Variants in TGFA observed in about 807,000 individuals in gnomAD.
TGFA encodes protransforming growth factor alpha.
Under a neutral mutation model 21.7 loss-of-function variants are expected in TGFA, and 12 were observed. The observed-to-expected ratio is 0.55, with a 90% CI of 0.35 to 0.90. The LOEUF (loss-of-function observed/expected upper bound fraction) is 0.90, where lower values mean the gene tolerates loss of function less well. TGFA is among the 40% of genes least tolerant of loss of function. The pLI is 0.01. For synonymous variants in TGFA, 79 were observed against 88.1 expected (o/e 0.90, Z 0.58); for missense variants, 178 against 210.8 (o/e 0.84, Z 0.96).
At chr2:70,541,031 A>G (rs34008577) in intron 1 of TGFA, among the ~76,000 whole-genome samples, 25,229 of 152,144 alleles carry the variant, frequency 0.17, 2,615 homozygotes, top group East Asian at 0.27. Flanking sequence ...ATAAACGTGC[A>G]CAGCTTTTCT....
intron 2 of TGFA, among the ~76,000 whole-genome samples, chr2:70,491,749 G>A (rs1671444260): frequency 6.6e-6 from 1 of 152,082 alleles, no homozygotes; most frequent in African/African-American, 2.4e-5. Context: ...GCTGTCCTCT[G>A]GCCCCCTAAG....
intron 1 of TGFA, among the ~76,000 whole-genome samples, chr2:70,548,753 C>T (rs1260643073): frequency 6.6e-6 from 1 of 152,184 alleles, no homozygotes; most frequent in African/African-American, 2.4e-5. Context: ...TTTCTTAAGT[C>T]ATACTCAGTA....
intron 1 of TGFA, chr2:70,553,512 C>T (rs1673581555): frequency 7.3e-7 from 1 of 1,378,280 alleles, no homozygotes; most frequent in Non-Finnish European, 9.3e-7. Flanking sequence ...CCCAGGCAGC[C>T]ACTTTCCCGG....
intron 2 of TGFA, among the ~76,000 whole-genome samples, chr2:70,472,700 C>G (rs1440515530): frequency 6.6e-6 from 1 of 152,214 alleles, no homozygotes; most frequent in Non-Finnish European, 1.5e-5. Context: ...TTAAAAGCAG[C>G]CCTAATTGGA....
At chr2:70,524,867 C>T (rs1343767034) in intron 1 of TGFA, among the ~76,000 whole-genome samples, 1 of 152,176 alleles carries the variant, frequency 6.6e-6, no homozygotes, top group Non-Finnish European at 1.5e-5. Context: ...CTGGAAGGAT[C>T]CATGGGGAGG....
intron 2 of TGFA, among the ~76,000 whole-genome samples, chr2:70,471,732 C>T (rs956185129): frequency 5.9e-5 from 9 of 152,216 alleles, no homozygotes; most frequent in East Asian, 1.9e-4. Context: ...TCCGCCAAGT[C>T]GAGGCAGGGT....
chr2:70,535,934 A>T (rs1170713369), intron 1 of TGFA, among the ~76,000 whole-genome samples: 1 of 152,216 alleles, frequency 6.6e-6, no homozygotes, highest in African/African-American at 2.4e-5. Flanking sequence ...AGAAAGCCCC[A>T]TTATCTTGAC....
chr2:70,451,757 G>A (rs1394712121), intron 5 of TGFA: 10 of 701,964 alleles, frequency 1.4e-5, no homozygotes, highest in Non-Finnish European at 2.6e-5. Flanking sequence ...TTAGCCCAAG[G>A]TAGCTGAAAG....
At chr2:70,506,735 A>C (rs1303756583) in intron 2 of TGFA, among the ~76,000 whole-genome samples, 1 of 152,184 alleles carries the variant, frequency 6.6e-6, no homozygotes, top group Non-Finnish European at 1.5e-5. Context: ...TCCCCATTCT[A>C]CAGGCAAGGA....
intron 2 of TGFA, among the ~76,000 whole-genome samples, chr2:70,469,779 G>A (rs191130068): frequency 5.3e-5 from 8 of 152,320 alleles, no homozygotes; most frequent in African/African-American, 1.4e-4. Flanking sequence ...TCAAACTCCT[G>A]TGTGACTCTA....
intron 2 of TGFA, among the ~76,000 whole-genome samples, chr2:70,485,487 C>T (rs944216846): frequency 3.9e-5 from 6 of 152,160 alleles, no homozygotes; most frequent in South Asian, 2.1e-4. Flanking sequence ...CCACCTGCCT[C>T]GGCCTCCCAA....
intron 2 of TGFA, among the ~76,000 whole-genome samples, chr2:70,473,511 G>T (rs1010025238): frequency 2.0e-5 from 3 of 151,812 alleles, no homozygotes; most frequent in Non-Finnish European, 4.4e-5. Flanking sequence ...GAAACTGATC[G>T]ACAGGGGCAT....
chr2:70,478,680 A>G (rs1057163982), intron 2 of TGFA, among the ~76,000 whole-genome samples: 2 of 152,240 alleles, frequency 1.3e-5, no homozygotes, highest in Admixed American at 6.5e-5. Context: ...ATGCATCTTC[A>G]TTGTATAATT....
At chr2:70,492,443 A>G (rs1170206303) in intron 2 of TGFA, among the ~76,000 whole-genome samples, 1 of 152,160 alleles carries the variant, frequency 6.6e-6, no homozygotes, top group South Asian at 2.1e-4. Context: ...GAGTGGCTGC[A>G]TGCCCCATTT....
At chr2:70,551,280 C>A (rs1553506791) in intron 1 of TGFA, among the ~76,000 whole-genome samples, 2 of 152,204 alleles carry the variant, frequency 1.3e-5, no homozygotes, top group African/African-American at 4.8e-5. Flanking sequence ...AGCCCCCGTG[C>A]GGTCTGCCTG....
At chr2:70,511,542 A>G (rs1672100006) in intron 2 of TGFA, among the ~76,000 whole-genome samples, 1 of 152,256 alleles carries the variant, frequency 6.6e-6, no homozygotes, top group Non-Finnish European at 1.5e-5. Flanking sequence ...GAAGTAGCAC[A>G]AAATTAAATA....
At chr2:70,462,345 G>A (rs1468265134) in intron 3 of TGFA, among the ~76,000 whole-genome samples, 2 of 152,232 alleles carry the variant, frequency 1.3e-5, no homozygotes, top group Admixed American at 1.3e-4. Flanking sequence ...TGCCGTCAGA[G>A]GGGTCTGCAG....
At chr2:70,453,168 G>T in intron 5 of TGFA, 50 bp downstream of exon 5, 4 of 1,524,888 alleles carry the variant, frequency 2.6e-6, no homozygotes, top group Non-Finnish European at 3.6e-6. Flanking sequence ...GGAGAAGGTG[G>T]TCGTTTTCTC....
intron 1 of TGFA, among the ~76,000 whole-genome samples, chr2:70,521,673 G>T (rs1396209758): frequency 6.9e-5 from 9 of 129,712 alleles, no homozygotes; most frequent in African/African-American, 2.6e-4. Context: ...GGAGTGCAGT[G>T]GCACGATCTT....
Sources: gnomAD v4.1 joint callset for allele counts (sites outside exome capture counted in the v4.1 genomes callset) on GRCh38, gnomAD v4.1.1 for gene constraint, MANE v1.5 for transcripts, NCBI Gene and HGNC (gene_info 2026-07-23, HGNC 2026-07-21) for gene names.